The following EPHA2 variants were observed in gnomAD, a reference collection of about 807,000 sequenced individuals.
The protein encoded by EPHA2 is ephrin type-A receptor 2.
In EPHA2, 54 loss-of-function variants were observed where a neutral mutation model predicts 104.9. That is an observed-to-expected ratio of 0.51 (90% confidence interval 0.41 to 0.65). The LOEUF (loss-of-function observed/expected upper bound fraction) is 0.65. EPHA2 is among the 30% of genes least tolerant of loss of function. The probability of loss-of-function intolerance (pLI) is 0.00; values close to 1 mark genes in which losing one functional copy is unlikely to be tolerated. For missense variants in EPHA2, 1,117 were observed against 1,369.5 expected (o/e 0.82, Z 2.91); for synonymous variants, 560 against 559.1 (o/e 1.00, Z -0.02).
In EPHA2 at chr1:16,125,022, G is replaced by T; in HGVS notation, c.*193C>A. On this transcript the variant is annotated 3_prime_UTR_variant, in exon 17 of 17. Transcript: ENST00000358432. This position sits in a 1 kb window ranked among gnomAD's most constrained non-coding sequence, Gnocchi z 4.9. ...TGTGTGCGTCTCGCAGGGAAAGAGG[G>T]CCCAGCCCAGCATCCCTGGTCATCT... 1.6e-6 allele frequency: 1 copy of T among 627,962 alleles called. No homozygotes were observed. Among genetic ancestry groups the T allele is most frequent in the South Asian group, 1.8e-5 (1 of 55,372 alleles). The allele number at this position is 627,962 out of a possible 1,614,324, so 38.9% of individuals were successfully genotyped here.
In EPHA2 at chr1:16,135,339, G is replaced by A. The variant is rs999067547; in HGVS notation, c.1429-150C>T. ...CTTACAGAGGAGGAAACTGAGGCTC[G>A]GAATTAAGTGACTCACTCAAGGTCA... On this transcript the variant is annotated intron_variant, in intron 6 of 16. Coordinates refer to ENST00000358432, the MANE Select transcript of EPHA2 (RefSeq NM_004431.5). This position sits in a 1 kb window ranked among gnomAD's most constrained non-coding sequence, Gnocchi z 4.3. The A allele has an allele frequency of 2.5e-5, 26 of 1,039,212 alleles. No individual in the cohort carries two copies. The highest frequency in any genetic ancestry group is 8.6e-5 in the South Asian group (6 of 69,860). The allele number at this position is 1,039,212 out of a possible 1,614,324, so 64.4% of individuals were successfully genotyped here.
Position 16,152,728 on chromosome 1 carries a change from T to C in EPHA2, c.86-1765A>G, listed in dbSNP as rs540443895. ...GAGGTCTGTGCCCAAGTGAGAGGGC[T>C]CACCGCTACCAGGCTTCTGAAGGGT... On this transcript the variant is annotated intron_variant, in intron 1 of 16. Coordinates refer to ENST00000358432, the MANE Select transcript of EPHA2 (RefSeq NM_004431.5). 1.9e-4 allele frequency among the ~76,000 whole-genome samples: 29 copies of C among 152,280 alleles called. 1 individual carries two copies. Among genetic ancestry groups the C allele is most frequent in the African/African-American group, 6.3e-4 (26 of 41,564 alleles).
At position 16,131,667 on chromosome 1, in the gene EPHA2, G is replaced by A. The variant is rs2024571229; in HGVS notation, c.2475+54C>T. ...GCCCAGCCCCTGCAGTTTGAGATGA[G>A]TAAAGGGCTTGAGTTCAGGTCCGGA... is the stretch of plus-strand genomic sequence containing the variant. On this transcript the variant is annotated intron_variant, in intron 14 of 16. Transcript: ENST00000358432. This position sits in a 1 kb window ranked among gnomAD's most constrained non-coding sequence, Gnocchi z 5.2. 1 of 1,612,006 alleles carries A rather than the reference G, an allele frequency of 6.2e-7. No individual in the cohort carries two copies. Among genetic ancestry groups the A allele is most frequent in the Non-Finnish European group, 8.5e-7 (1 of 1,178,976 alleles).
chr1:16,154,582 C>T (rs1459153704), intron 1 of EPHA2, among the ~76,000 whole-genome samples: 1 of 151,774 alleles, frequency 6.6e-6, no homozygotes, highest in East Asian at 1.9e-4. Context: ...GGTGAAACCT[C>T]GTCTCCACTA....
rs1347451903 is a variant in EPHA2 at position 16,131,946 on chromosome 1, C to G, written c.2326-76G>C. On this transcript the variant is annotated intron_variant, in intron 13 of 16. Transcript: ENST00000358432. This position sits in a 1 kb window ranked among gnomAD's most constrained non-coding sequence, Gnocchi z 5.2. ...GACCATTGCAGCCAAGCCCCACGAC[C>G]CCTCCCTGGACTCCTACAGGTGTTC... 36 of 1,599,398 alleles carry G rather than the reference C, an allele frequency of 2.3e-5. No individual in the cohort carries two copies. The East Asian group carries it at 7.9e-4, about 35-fold the overall frequency.
At chr1:16,129,888 C>T (rs2024541694) in intron 15 of EPHA2, among the ~76,000 whole-genome samples, 1 of 152,214 alleles carries the variant, frequency 6.6e-6, no homozygotes, top group Non-Finnish European at 1.5e-5. Context: ...CAATCCCAGC[C>T]TGACCACTTC....
chr1:16,133,235 G>A lies in EPHA2; in HGVS notation c.1998C>T (p.Ile666=). The A allele has an allele frequency of 6.2e-7, 1 of 1,613,834 alleles. No homozygotes were observed. Among genetic ancestry groups the A allele is most frequent in the Non-Finnish European group, 8.5e-7 (1 of 1,179,920 alleles). ...TGTTGTGGTGGCTGAACTGGCCCAT[G>A]ATGCCGGCCTCGCCGAGGAAGTCCA... ...QRVDFLGEAG[I]MGQFSHHNII... is the part of the protein sequence containing the mutation. Residue 666 remains isoleucine, a synonymous_variant, in exon 11 of 17, where the codon ATC becomes ATT. Coordinates refer to ENST00000358432, the MANE Select transcript of EPHA2 (RefSeq NM_004431.5).
rs2124214154 is a variant in EPHA2 at position 16,135,178 on chromosome 1, G to A, written c.1440C>T (p.Asn480=). 1 of 1,613,848 alleles carries A rather than the reference G, an allele frequency of 6.2e-7. No homozygotes were observed. Among genetic ancestry groups the A allele is most frequent in the African/African-American group, 1.3e-5 (1 of 75,058 alleles). ...EVTYRKKGDS[N]SYNVRRTEGF... Reference sequence around the variant, plus strand: ...CCTCGGTGCGGCGCACATTGTAGCTGTTGGAGTCTCCCTGTGGGTGGGTGG... The same window carrying A: ...CCTCGGTGCGGCGCACATTGTAGCTATTGGAGTCTCCCTGTGGGTGGGTGG... The change falls in exon 7 of 17, where the codon AAC becomes AAT. Residue 480 remains asparagine, a synonymous_variant. Transcript: ENST00000358432. The surrounding 1 kb of genome is among the most constrained non-coding windows in gnomAD (Gnocchi z 4.3).
intron 3 of EPHA2, among the ~76,000 whole-genome samples, chr1:16,146,755 G>T (rs369352288): frequency 6.6e-6 from 1 of 152,328 alleles, no homozygotes; most frequent in East Asian, 1.9e-4. Context: ...AGGTTCTGAG[G>T]ACTTGCTTTA....
At chr1:16,144,953 T>C (rs1302968272) in intron 3 of EPHA2, among the ~76,000 whole-genome samples, 1 of 152,182 alleles carries the variant, frequency 6.6e-6, no homozygotes, top group Admixed American at 6.5e-5. Flanking sequence ...TGGAATGCGG[T>C]GTCCCTATGA....
rs749734969 is a variant in EPHA2 at position 16,125,301 on chromosome 1, C to T, written c.2845G>A (p.Val949Met). ...CGCTTCTGGTGGCCGGGCAGCCGCA[C>T]CCCAATCCTCTTGATGTCGCTGTGG... ...MTNDDIKRIG[V>M]RLPGHQKRIA... Residue 949 changes from valine (V) to methionine (M), a missense_variant, in exon 17 of 17, where the codon GTG (valine) becomes ATG (methionine). Val to Met is a conservative substitution (Grantham distance 21). Coordinates refer to ENST00000358432, the MANE Select transcript of EPHA2 (RefSeq NM_004431.5). This position sits in a 1 kb window ranked among gnomAD's most constrained non-coding sequence, Gnocchi z 4.9. 3.3e-5 allele frequency: 53 copies of T among 1,613,296 alleles called. No homozygotes were observed. Among genetic ancestry groups the T allele is most frequent in the Non-Finnish European group, 1.2e-5 (14 of 1,179,786 alleles).
intron 9 of EPHA2, 68 bp downstream of exon 9, chr1:16,133,792 C>T: frequency 6.7e-7 from 1 of 1,497,644 alleles, no homozygotes; most frequent in Non-Finnish European, 8.9e-7. Flanking sequence ...CCTGGCTGCC[C>T]CCACCTCCCC....
intron 16 of EPHA2, among the ~76,000 whole-genome samples, chr1:16,127,949 G>A (rs867983625): frequency 2.6e-5 from 4 of 152,172 alleles, no homozygotes; most frequent in Admixed American, 6.5e-5. Context: ...GCACTTCTCC[G>A]TGCCCTCAGC....
At chr1:16,155,768 G>A in intron 1 of EPHA2, 80 bp downstream of exon 1, 5 of 1,168,212 alleles carry the variant, frequency 4.3e-6, no homozygotes, top group Non-Finnish European at 5.6e-6. Context: ...AGGTTCCAAA[G>A]TTGCGCGCGT....
At chr1:16,129,909 A>T (rs897320361) in intron 15 of EPHA2, among the ~76,000 whole-genome samples, 1 of 152,232 alleles carries the variant, frequency 6.6e-6, no homozygotes, top group Non-Finnish European at 1.5e-5. Flanking sequence ...CAGCCATGTA[A>T]GATATTCAAT....
chr1:16,133,435 A>G, intron 10 of EPHA2, 46 bp downstream of exon 10: 4 of 1,613,878 alleles, frequency 2.5e-6, no homozygotes, highest in Non-Finnish European at 3.4e-6. Flanking sequence ...ACACTGTGTC[A>G]CCACCGCTGC....
chr1:16,149,104 G>T, intron 2 of EPHA2, 57 bp from the exon 3 acceptor site: 1 of 1,582,312 alleles, frequency 6.3e-7, no homozygotes, highest in East Asian at 2.2e-5. Flanking sequence ...CTGAGGCCCA[G>T]GTGGCAGAGT....
At chr1:16,149,965 G>A (rs192730927) in intron 2 of EPHA2, among the ~76,000 whole-genome samples, 285 of 152,312 alleles carry the variant, frequency 1.9e-3, no homozygotes, top group Non-Finnish European at 2.6e-3. Flanking sequence ...ACTGTGTGGC[G>A]TTGGCCAAGG....
chr1:16,131,417 TA>T lies in EPHA2; in HGVS notation c.2475+303del, dbSNP rs1329633156. On this transcript the variant is annotated intron_variant, in intron 14 of 16. Coordinates refer to ENST00000358432, the MANE Select transcript of EPHA2 (RefSeq NM_004431.5). This position sits in a 1 kb window ranked among gnomAD's most constrained non-coding sequence, Gnocchi z 5.2. The stretch of plus-strand genomic sequence containing the variant: ...CAACATAGTGAAACCCCGTCTCTAC[TA>T]AAAATACAAAAATTAGCTGGGTGTG... 6.6e-6 allele frequency among the ~76,000 whole-genome samples: 1 copy of T among 151,872 alleles called. No individual in the cohort carries two copies. The highest frequency in any genetic ancestry group is 1.5e-5 in the Non-Finnish European group (1 of 67,970).
Sources: gnomAD v4.1 joint callset for allele counts (sites outside exome capture counted in the v4.1 genomes callset) on GRCh38, gnomAD v4.1.1 for gene constraint, Gnocchi (gnomAD v3.1) non-coding constraint, MANE v1.5 for transcripts, NCBI Gene and HGNC (gene_info 2026-07-23, HGNC 2026-07-21) for gene names.